MTFR1: variants seen among roughly 807,000 people sequenced by gnomAD.
The protein encoded by MTFR1 is mitochondrial fission regulator 1.
MTFR1 carries 28 observed loss-of-function variants against 38.8 expected under a neutral mutation model. The observed-to-expected ratio is 0.72, with a 90% CI of 0.53 to 0.99. The LOEUF is 0.99. Ranked by LOEUF, MTFR1 falls within the 50% of genes least tolerant of loss-of-function variation. MTFR1 has a pLI of 0.00. For missense variants in MTFR1, 358 were observed against 395.5 expected, an observed-to-expected ratio of 0.91 and a Z score of 0.81; for synonymous variants, 145 against 137.0, an observed-to-expected ratio of 1.06 and a Z score of -0.41.
intron 3 of MTFR1, chr8:65,723,576 T>C (rs1277082230): frequency 6.3e-7 from 1 of 1,584,902 alleles, no homozygotes; most frequent in Non-Finnish European, 8.6e-7. Context: ...AGTGTGACGA[T>C]CGCAAAGTGG....
intron 7 of MTFR1, 30 bp downstream of exon 7, chr8:65,708,041 T>A (rs1805837905): frequency 6.2e-7 from 1 of 1,608,742 alleles, no homozygotes; most frequent in African/African-American, 1.3e-5. Context: ...TTCTTTCCTG[T>A]TATGTAGAAA....
chr8:65,700,379 CA>C (rs893003897), intron 4 of MTFR1, among the ~76,000 whole-genome samples: 5 of 133,632 alleles, frequency 3.7e-5, no homozygotes, highest in Non-Finnish European at 6.6e-5. Flanking sequence ...AAAAAGAAAA[CA>C]AAAAAAAGGG....
At chr8:65,751,711 C>T (rs1337796827) in intron 3 of MTFR1, among the ~76,000 whole-genome samples, 1 of 152,162 alleles carries the variant, frequency 6.6e-6, no homozygotes, top group Non-Finnish European at 1.5e-5. Flanking sequence ...AGGCTGGTCT[C>T]GAACTCCCGA....
chr8:65,726,788 TAACA>T lies in MTFR1; in HGVS notation c.*48+7309_*48+7312del, dbSNP rs998057734. On this transcript the variant is annotated intron_variant, in intron 3 of 3. Coordinates refer to the MTFR1 transcript ENST00000521247. ...CTGAAAACTGTGGAACACCTGAACA[TAACA>T]ATTTTTAAAACTTTATAAAATTACT... 3.6e-5 allele frequency: 26 copies of T among 719,492 alleles called. No individual in the cohort carries two copies. In the African/African-American group the frequency reaches 4.6e-4, roughly 13 times the overall value. The allele number at this position is 719,492 out of a possible 1,614,324, so 44.6% of individuals were successfully genotyped here. A position where few individuals can be genotyped will look rare whatever the true frequency, so the allele number is the denominator to read the frequency against.
intron 3 of MTFR1, among the ~76,000 whole-genome samples, chr8:65,765,083 A>C (rs577526577): frequency 6.6e-6 from 1 of 152,346 alleles, no homozygotes; most frequent in South Asian, 2.1e-4. Context: ...AAGATGAATA[A>C]AACTAAAAGC....
chr8:65,682,202 T>C, intron 2 of MTFR1, 151 bp from the exon 3 acceptor site: 1 of 329,790 alleles, frequency 3.0e-6, no homozygotes, highest in Non-Finnish European at 5.5e-6. Context: ...ATTTTTGGAT[T>C]GAGAAACATT....
chr8:65,704,208 T>C (rs1325838407), intron 4 of MTFR1, among the ~76,000 whole-genome samples: 1 of 152,222 alleles, frequency 6.6e-6, no homozygotes, highest in East Asian at 1.9e-4. Context: ...GGTCCTAAAC[T>C]TTTTTGCTCT....
chr8:65,724,310 C>G (rs200682112), intron 3 of MTFR1: 7 of 1,612,808 alleles, frequency 4.3e-6, no homozygotes, highest in Non-Finnish European at 5.1e-6. Flanking sequence ...TTAATTCCCA[C>G]GTCCGACATG....
chr8:65,687,530 A>G (rs1805124700), intron 3 of MTFR1, among the ~76,000 whole-genome samples: 1 of 151,964 alleles, frequency 6.6e-6, no homozygotes, highest in South Asian at 2.1e-4. Flanking sequence ...TATTTTTAGT[A>G]GAGACGGGGT....
At chr8:65,718,734 A>G (rs1806248519) in intron 2 of MTFR1, 2 of 153,996 alleles carry the variant, frequency 1.3e-5, no homozygotes, top group Admixed American at 1.3e-4. Context: ...GCTGCAGTCT[A>G]AAGTTTGATC....
chr8:65,750,506 G>GTGTGTGTGTGTC (rs1807893565), intron 3 of MTFR1, among the ~76,000 whole-genome samples: 1 of 151,292 alleles, frequency 6.6e-6, no homozygotes, highest in Non-Finnish European at 1.5e-5. Flanking sequence ...GTGTGTGTCT[G>GTGTGTGTGTGTC]TGTGTGTCTG....
At chr8:65,716,185 T>C (rs1326732759) in intron 2 of MTFR1, among the ~76,000 whole-genome samples, 1 of 149,278 alleles carries the variant, frequency 6.7e-6, no homozygotes, top group Non-Finnish European at 1.5e-5. Context: ...TAGAAGGTGA[T>C]TCCCACATAT....
chr8:65,658,994 C>T (rs778008599), intron 1 of MTFR1, among the ~76,000 whole-genome samples: 16 of 152,112 alleles, frequency 1.1e-4, no homozygotes, highest in South Asian at 4.1e-4. Flanking sequence ...AGTTTCATCA[C>T]GGGGAGGGAA....
intron 3 of MTFR1, among the ~76,000 whole-genome samples, chr8:65,752,924 C>G (rs1384416752): frequency 6.6e-6 from 1 of 152,066 alleles, no homozygotes; most frequent in Non-Finnish European, 1.5e-5. Context: ...CCAAATCTGT[C>G]TTCCTTTCCA....
chr8:65,692,874 GTTGGTCTT>G, intron 3 of MTFR1, among the ~76,000 whole-genome samples: 1 of 149,432 alleles, frequency 6.7e-6, no homozygotes, highest in East Asian at 2.0e-4. Context: ...TTTAGCTCAA[GTTGGTCTT>G]TTGCTTGTTC....
intron 3 of MTFR1, among the ~76,000 whole-genome samples, chr8:65,750,316 C>A (rs944816437): frequency 2.0e-5 from 3 of 152,044 alleles, no homozygotes; most frequent in Non-Finnish European, 4.4e-5. Flanking sequence ...AAAAAATAAC[C>A]TAAAGCAGAG....
intron 4 of MTFR1, among the ~76,000 whole-genome samples, chr8:65,698,429 T>C (rs925551786): frequency 1.3e-4 from 20 of 152,084 alleles, no homozygotes; most frequent in African/African-American, 4.8e-4. Flanking sequence ...TATGAGCCAC[T>C]GTGCCCAGCC....
At chr8:65,663,770 TCCCCTC>T (rs1159738622) in intron 1 of MTFR1, among the ~76,000 whole-genome samples, 2 of 145,904 alleles carry the variant, frequency 1.4e-5, no homozygotes, top group Non-Finnish European at 3.0e-5. Context: ...CCCTTCCCCT[TCCCCTC>T]CCCTCCCTTC....
At chr8:65,686,009 G>T (rs1805061309) in intron 3 of MTFR1, among the ~76,000 whole-genome samples, 1 of 152,174 alleles carries the variant, frequency 6.6e-6, no homozygotes, top group African/African-American at 2.4e-5. Flanking sequence ...GTTCCAGTCA[G>T]TCAGGAACTA....
Sources: gnomAD v4.1 joint callset for allele counts (sites outside exome capture counted in the v4.1 genomes callset) on GRCh38, gnomAD v4.1.1 for gene constraint, MANE v1.5 for transcripts, NCBI Gene and HGNC (gene_info 2026-07-23, HGNC 2026-07-21) for gene names.